SFMBT1: variants seen among roughly 807,000 people sequenced by gnomAD.
The protein encoded by SFMBT1 is scm-like with four MBT domains protein 1.
SFMBT1 carries 32 observed loss-of-function variants against 108.7 expected under a neutral mutation model. The observed-to-expected ratio is 0.29, with a 90% CI of 0.22 to 0.40. The LOEUF (loss-of-function observed/expected upper bound fraction) is 0.40, where lower values mean the gene tolerates loss of function less well. SFMBT1 is among the 10% of genes least tolerant of loss of function. The probability of loss-of-function intolerance (pLI) is 1.00; values close to 1 mark genes in which losing one functional copy is unlikely to be tolerated. For synonymous variants in SFMBT1, 348 were observed against 369.5 expected (o/e 0.94, Z 0.67); for missense variants, 816 against 1,059.6 (o/e 0.77, Z 3.19).
chr3:52,921,263 C>T (rs999176411), intron 11 of SFMBT1, among the ~76,000 whole-genome samples: 15 of 152,178 alleles, frequency 9.9e-5, no homozygotes, highest in African/African-American at 3.6e-4. Context: ...TGAGTACTCA[C>T]GCAGCGCCTT....
chr3:53,006,150 T>A (rs1698732276), intron 1 of SFMBT1, among the ~76,000 whole-genome samples: 2 of 152,196 alleles, frequency 1.3e-5, no homozygotes. Context: ...AAAGCTAGGT[T>A]GGAGTTAGCC....
chr3:52,932,431 C>A, intron 5 of SFMBT1, 123 bp from the exon 6 acceptor site: 2 of 864,240 alleles, frequency 2.3e-6, no homozygotes, highest in Non-Finnish European at 3.5e-6. Flanking sequence ...GCCAGTGACA[C>A]TAAATTGTCT....
At chr3:53,004,251 T>TG (rs1698662092) in intron 1 of SFMBT1, among the ~76,000 whole-genome samples, 1 of 136,088 alleles carries the variant, frequency 7.3e-6, no homozygotes, top group African/African-American at 2.9e-5. Flanking sequence ...CCTTCTTTCT[T>TG]CTTTCTCTCT....
At chr3:53,006,424 C>A (rs1214212591) in intron 1 of SFMBT1, among the ~76,000 whole-genome samples, 5 of 151,960 alleles carry the variant, frequency 3.3e-5, no homozygotes, top group African/African-American at 1.2e-4. Flanking sequence ...AGGTCAGGAG[C>A]TCAAGACCAG....
intron 1 of SFMBT1, among the ~76,000 whole-genome samples, chr3:53,039,664 T>C (rs982708889): frequency 3.9e-5 from 6 of 152,172 alleles, no homozygotes; most frequent in Non-Finnish European, 8.8e-5. Context: ...TTACAGAGTC[T>C]CTCTCTGTTG....
At chr3:52,977,293 G>A (rs562264621) in intron 1 of SFMBT1, among the ~76,000 whole-genome samples, 3 of 152,092 alleles carry the variant, frequency 2.0e-5, no homozygotes, top group Non-Finnish European at 2.9e-5. Context: ...GGTGGATCAC[G>A]AGGTCAGGAG....
chr3:53,016,557 C>G (rs1699133570), intron 1 of SFMBT1, among the ~76,000 whole-genome samples: 1 of 152,310 alleles, frequency 6.6e-6, no homozygotes, highest in South Asian at 2.1e-4. Flanking sequence ...TTGCATCCCC[C>G]AATTAAAGTG....
At chr3:53,042,836 T>C (rs1575458665) in intron 1 of SFMBT1, among the ~76,000 whole-genome samples, 1 of 152,228 alleles carries the variant, frequency 6.6e-6, no homozygotes, top group South Asian at 2.1e-4. Flanking sequence ...AGAAACAATG[T>C]ATCAATAATA....
intron 4 of SFMBT1, 149 bp from the exon 5 acceptor site, chr3:52,935,050 A>T (rs1312639353): frequency 1.6e-6 from 1 of 623,646 alleles, no homozygotes; most frequent in African/African-American, 1.9e-5. Context: ...GATAAAACAA[A>T]ATAAAACCAA....
chr3:52,929,797 G>A (rs185114325), intron 8 of SFMBT1, among the ~76,000 whole-genome samples: 91 of 152,184 alleles, frequency 6.0e-4, no homozygotes, highest in African/African-American at 2.0e-3. Context: ...AAATTCTCTC[G>A]CCAATGCCTC....
chr3:53,035,607 AT>A (rs1387922178), intron 1 of SFMBT1, among the ~76,000 whole-genome samples: 1 of 152,054 alleles, frequency 6.6e-6, no homozygotes, highest in Non-Finnish European at 1.5e-5. Flanking sequence ...ACTTAAGTAA[AT>A]TTTTTTTAAA....
At chr3:53,022,723 C>G (rs1027799847) in intron 1 of SFMBT1, among the ~76,000 whole-genome samples, 1 of 152,062 alleles carries the variant, frequency 6.6e-6, no homozygotes, top group African/African-American at 2.4e-5. Context: ...TTTCATAGAA[C>G]TGAAAAACAG....
intron 1 of SFMBT1, among the ~76,000 whole-genome samples, chr3:52,979,558 T>C (rs1208093115): frequency 6.6e-6 from 1 of 152,184 alleles, no homozygotes; most frequent in Non-Finnish European, 1.5e-5. Context: ...CACATTCCAC[T>C]AATTAAAATC....
intron 1 of SFMBT1, among the ~76,000 whole-genome samples, chr3:52,985,114 C>T (rs186901808): frequency 2.0e-5 from 3 of 152,252 alleles, no homozygotes; most frequent in Non-Finnish European, 4.4e-5. Context: ...GAGCCAGTAA[C>T]ATGAGCACAT....
At chr3:52,923,895 C>G (rs1702584091) in intron 10 of SFMBT1, among the ~76,000 whole-genome samples, 1 of 152,030 alleles carries the variant, frequency 6.6e-6, no homozygotes, top group Non-Finnish European at 1.5e-5. Context: ...CACTGAGAAC[C>G]TAGCACAGCG....
At chr3:52,961,273 A>T (rs577260383) in intron 2 of SFMBT1, among the ~76,000 whole-genome samples, 43 of 152,172 alleles carry the variant, frequency 2.8e-4, no homozygotes, top group Admixed American at 7.2e-4. Context: ...GGTGGGTGCT[A>T]GGGGCTAGGG....
intron 20 of SFMBT1, 148 bp downstream of exon 20, chr3:52,905,965 T>C (rs993472856): frequency 2.3e-6 from 2 of 875,016 alleles, no homozygotes; most frequent in African/African-American, 3.4e-5. Flanking sequence ...CTTTTTATCA[T>C]CTTTGACTCC....
intron 1 of SFMBT1, among the ~76,000 whole-genome samples, chr3:53,040,967 A>ATTTT (rs1559560284): frequency 5.5e-5 from 4 of 72,878 alleles, no homozygotes; most frequent in Non-Finnish European, 1.2e-4. Flanking sequence ...AAGACACCTG[A>ATTTT]ATTTTTTTTT....
chr3:52,964,488 T>G (rs2336670), intron 2 of SFMBT1, among the ~76,000 whole-genome samples: 90,950 of 152,058 alleles, frequency 0.6, 27,673 homozygotes, highest in Middle Eastern at 0.68. Flanking sequence ...TACTCCACCC[T>G]GGGTGACAAA....
Sources: gnomAD v4.1 joint callset for allele counts (sites outside exome capture counted in the v4.1 genomes callset) on GRCh38, gnomAD v4.1.1 for gene constraint, MANE v1.5 for transcripts, NCBI Gene and HGNC (gene_info 2026-07-23, HGNC 2026-07-21) for gene names.